The following TARBP1 variants were observed in gnomAD, a reference collection of about 807,000 sequenced individuals.
TARBP1 encodes the protein tRNA guanosine 2 -O-methyltransferase TARBP1.
TARBP1 carries 144 observed loss-of-function variants against 178.6 expected under a neutral mutation model. The observed-to-expected ratio is 0.81, with a 90% CI of 0.70 to 0.93. TARBP1 has a LOEUF of 0.93. TARBP1 is among the 40% of genes least tolerant of loss of function. TARBP1 has a pLI of 0.00. For missense variants in TARBP1, 2,067 were observed against 2,011.7 expected (o/e 1.03, Z -0.53); for synonymous variants, 787 against 781.0 (o/e 1.01, Z -0.13).
At chr1:234,440,143 T>A (rs1665446095) in intron 12 of TARBP1, among the ~76,000 whole-genome samples, 1 of 152,030 alleles carries the variant, frequency 6.6e-6, no homozygotes, top group African/African-American at 2.4e-5. Context: ...TCAAGGAAAG[T>A]TAGAAAATAT....
chr1:234,467,070 C>T (rs1668517443), intron 4 of TARBP1, among the ~76,000 whole-genome samples: 1 of 152,146 alleles, frequency 6.6e-6, no homozygotes, highest in Non-Finnish European at 1.5e-5. Flanking sequence ...ATAAATATTG[C>T]TTAGAAGGCA....
chr1:234,463,921 G>T lies in TARBP1; in HGVS notation c.1315C>A (p.Pro439Thr), dbSNP rs756431111. ...SSLYSRSPGQPIGSCSPLGLK... is the reference protein window; with the variant it reads ...SSLYSRSPGQTIGSCSPLGLK... ...CCCAATGGAGAACAGCTTCCTATTG[G>T]CTGGCCTGGGGACCTACAAACAGAG... is the stretch of plus-strand genomic sequence containing the variant. Residue 439 changes from proline to threonine, a missense_variant, in exon 6 of 30, where the codon CCA (proline) becomes ACA (threonine). Pro to Thr is a conservative substitution (Grantham distance 38). Transcript: ENST00000040877. 3.7e-5 allele frequency: 59 copies of T among 1,585,160 alleles called. No individual in the cohort carries two copies. Among genetic ancestry groups the T allele is most frequent in the Admixed American group, 1.8e-5 (1 of 55,722 alleles).
At chr1:234,471,086 T>TTTTA in intron 3 of TARBP1, 102 bp downstream of exon 3, 1 of 862,876 alleles carries the variant, frequency 1.2e-6, no homozygotes, top group South Asian at 1.6e-5. Context: ...TTCTGTACAC[T>TTTTA]TTTATAGTTT....
At chr1:234,419,380 A>C (rs1319357093) in intron 21 of TARBP1, among the ~76,000 whole-genome samples, 1 of 151,550 alleles carries the variant, frequency 6.6e-6, no homozygotes, top group Non-Finnish European at 1.5e-5. Context: ...CACCTCTATC[A>C]TTCACCACTA....
chr1:234,395,069 C>A (rs1355579449), intron 26 of TARBP1, among the ~76,000 whole-genome samples: 1 of 150,824 alleles, frequency 6.6e-6, no homozygotes, highest in Non-Finnish European at 1.5e-5. Flanking sequence ...ACTAAAAATA[C>A]AAACATTAGC....
At position 234,430,168 on chromosome 1, in the gene TARBP1, G is replaced by T. The variant is rs776784348; in HGVS notation, c.2528C>A (p.Ser843Tyr). 11 of 1,614,208 alleles carry T rather than the reference G, an allele frequency of 6.8e-6. No homozygotes were observed. In the South Asian group the frequency reaches 1.2e-4, roughly 18 times the overall value. Reference protein sequence around the residue: ...LHAGPLESFLSSLQLNQTLQK... With the variant: ...LHAGPLESFLYSLQLNQTLQK... Reference sequence around the variant, plus strand: ...CAGCGTCTGATTGAGCTGAAGAGAGGAAAGGAAGCTTTCCAGGGGCCCAGC... The same window carrying T: ...CAGCGTCTGATTGAGCTGAAGAGAGTAAAGGAAGCTTTCCAGGGGCCCAGC... Residue 843 changes from serine to tyrosine, a missense_variant, in exon 15 of 30, where the codon TCC (serine) becomes TAC (tyrosine). Coordinates refer to ENST00000040877, the MANE Select transcript of TARBP1 (RefSeq NM_005646.4).
chr1:234,476,719 AACCAAAATTT>A (rs925219715), intron 1 of TARBP1, among the ~76,000 whole-genome samples: 1 of 152,220 alleles, frequency 6.6e-6, no homozygotes, highest in Non-Finnish European at 1.5e-5. Flanking sequence ...ACACACATTT[AACCAAAATTT>A]TAACTGTGAC....
chr1:234,453,723 T>C (rs1287557752), intron 9 of TARBP1, among the ~76,000 whole-genome samples: 1 of 151,990 alleles, frequency 6.6e-6, no homozygotes, highest in Admixed American at 6.6e-5. Context: ...CACTAAAATA[T>C]ATATATACAT....
chr1:234,419,197 A>G (rs1405355446), intron 21 of TARBP1, among the ~76,000 whole-genome samples: 1 of 151,996 alleles, frequency 6.6e-6, no homozygotes, highest in Admixed American at 6.6e-5. Context: ...TAAAAATAAA[A>G]TAAAATAAAA....
At chr1:234,432,580 A>C (rs1051889871) in intron 14 of TARBP1, among the ~76,000 whole-genome samples, 1 of 152,220 alleles carries the variant, frequency 6.6e-6, no homozygotes, top group Non-Finnish European at 1.5e-5. Flanking sequence ...GAAGACCTCT[A>C]AGAGAAAAGA....
At chr1:234,429,878 T>C (rs1572294435) in intron 15 of TARBP1, among the ~76,000 whole-genome samples, 1 of 152,288 alleles carries the variant, frequency 6.6e-6, no homozygotes, top group East Asian at 1.9e-4. Context: ...AAGTAGGTAC[T>C]TTTGCTCATC....
intron 14 of TARBP1, among the ~76,000 whole-genome samples, chr1:234,432,792 T>C (rs1217710598): frequency 3.2e-4 from 48 of 152,042 alleles, no homozygotes. Context: ...GGGAAAGGCA[T>C]TAGACAGTGG....
intron 23 of TARBP1, among the ~76,000 whole-genome samples, chr1:234,408,766 CT>C (rs1284232992): frequency 6.6e-6 from 1 of 152,144 alleles, no homozygotes; most frequent in East Asian, 1.9e-4. Context: ...CCAAATTATC[CT>C]TAAAAACTCT....
At chr1:234,405,319 T>C (rs1349394862) in intron 24 of TARBP1, 1 of 152,142 alleles carries the variant, frequency 6.6e-6, no homozygotes, top group East Asian at 1.9e-4. Flanking sequence ...GACCTGGAGA[T>C]GCTTATGACA....
chr1:234,428,838 G>A (rs1381206201), intron 17 of TARBP1, among the ~76,000 whole-genome samples: 4 of 152,078 alleles, frequency 2.6e-5, no homozygotes, highest in East Asian at 1.9e-4. Flanking sequence ...GAGCCACCCC[G>A]CCTGGCCAGA....
chr1:234,460,045 A>C (rs549116126), intron 7 of TARBP1, among the ~76,000 whole-genome samples: 3 of 152,374 alleles, frequency 2.0e-5, no homozygotes, highest in Non-Finnish European at 4.4e-5. Flanking sequence ...ATACTTCAGT[A>C]CACATTTAAA....
At chr1:234,427,261 T>C in intron 19 of TARBP1, 56 bp downstream of exon 19, 1 of 1,206,032 alleles carries the variant, frequency 8.3e-7, no homozygotes. Flanking sequence ...TGTCATATGA[T>C]GTTAAATTTT....
intron 3 of TARBP1, among the ~76,000 whole-genome samples, chr1:234,468,018 A>G (rs1668628333): frequency 6.6e-6 from 1 of 152,124 alleles, no homozygotes; most frequent in East Asian, 1.9e-4. Flanking sequence ...AGTTCAAGTG[A>G]TCCTCCATCC....
chr1:234,393,530 T>C lies in TARBP1; in HGVS notation c.4436-44A>G, dbSNP rs767620371. The C allele has an allele frequency of 1.3e-5, 21 of 1,572,482 alleles. No individual in the cohort carries two copies. In the East Asian group the frequency reaches 1.6e-4, roughly 12 times the overall value. On this transcript the variant is annotated intron_variant, in intron 27 of 29. Coordinates refer to ENST00000040877, the MANE Select transcript of TARBP1 (RefSeq NM_005646.4). ...ATCATTAAGATTGTTCCCAGCACAATGCTAAGCTCATCATGTCGCATACAT... is the reference window on the plus strand; with the variant it reads ...ATCATTAAGATTGTTCCCAGCACAACGCTAAGCTCATCATGTCGCATACAT...
Sources: allele counts gnomAD v4.1 joint callset (sites outside exome capture counted in the v4.1 genomes callset), GRCh38; gene constraint gnomAD v4.1.1; transcripts MANE v1.5; gene names NCBI Gene and HGNC (gene_info 2026-07-23, HGNC 2026-07-21).